The following CHLSN variants were observed in gnomAD, a reference collection of about 807,000 sequenced individuals.
CHLSN encodes the protein cholesin.
the CHLSN span, among the ~76,000 whole-genome samples, chr7:1,064,141 T>C: frequency 1.3e-5 from 2 of 152,164 alleles, no homozygotes; most frequent in East Asian, 1.9e-4. Flanking sequence ...CAAGCACGCA[T>C]GCACACACAC....
the CHLSN span, chr7:1,056,079 G>T: frequency 1.3e-5 from 2 of 153,566 alleles, no homozygotes; most frequent in Non-Finnish European, 2.9e-5. Context: ...CCCCTCACCG[G>T]CCCCCGCCAC....
chr7:1,093,957 T>A, the CHLSN span: 1 of 324,026 alleles, frequency 3.1e-6, no homozygotes, highest in African/African-American at 2.2e-5. Flanking sequence ...AGCCTCTGAG[T>A]CCGGCCAGCC....
chr7:1,042,444 G>A, the CHLSN span, among the ~76,000 whole-genome samples: 1 of 152,198 alleles, frequency 6.6e-6, no homozygotes, highest in African/African-American at 2.4e-5. Flanking sequence ...TCTTGTACAG[G>A]GGCTGGCCAG....
At chr7:1,017,873 T>A in the CHLSN span, among the ~76,000 whole-genome samples, 1 of 152,208 alleles carries the variant, frequency 6.6e-6, no homozygotes, top group Non-Finnish European at 1.5e-5. Context: ...CCCGCCTTGG[T>A]GGGATGGCGC....
At chr7:1,128,776 C>G in the CHLSN span, among the ~76,000 whole-genome samples, 2 of 20,070 alleles carry the variant, frequency 1.0e-4, 1 homozygote, top group Non-Finnish European at 1.6e-4. Flanking sequence ...CTCGGCTCAT[C>G]GCACCCTGTC....
chr7:1,048,872 C>T, the CHLSN span, among the ~76,000 whole-genome samples: 1 of 152,234 alleles, frequency 6.6e-6, no homozygotes, highest in Non-Finnish European at 1.5e-5. Context: ...TCCCATGTTC[C>T]TTTGAAAGCA....
chr7:1,089,625 G>A, the CHLSN span, among the ~76,000 whole-genome samples: 3 of 150,746 alleles, frequency 2.0e-5, no homozygotes, highest in Admixed American at 6.6e-5. Flanking sequence ...GTTTCGCCAT[G>A]TTACCCAGGC....
chr7:1,079,660 T>C, the CHLSN span, among the ~76,000 whole-genome samples: 1 of 152,110 alleles, frequency 6.6e-6, no homozygotes, highest in Non-Finnish European at 1.5e-5. Context: ...CAGCAGCTCC[T>C]CTGAGGGGCC....
chr7:1,092,950 T>C, the CHLSN span: 1 of 1,197,324 alleles, frequency 8.4e-7, no homozygotes, highest in Admixed American at 1.9e-5. Context: ...GTCTCTAAAC[T>C]GCGGTCAGAT....
chr7:1,041,875 C>T, the CHLSN span, among the ~76,000 whole-genome samples: 15 of 152,086 alleles, frequency 9.9e-5, no homozygotes, highest in African/African-American at 3.4e-4. Flanking sequence ...CCAGCAGCCC[C>T]GGATCCCTGG....
At chr7:1,033,135 C>G in the CHLSN span, among the ~76,000 whole-genome samples, 1 of 152,224 alleles carries the variant, frequency 6.6e-6, no homozygotes, top group Non-Finnish European at 1.5e-5. Context: ...CAGATGAAAA[C>G]AAAACTACGG....
chr7:1,135,376 T>C, the CHLSN span, among the ~76,000 whole-genome samples: 1 of 152,094 alleles, frequency 6.6e-6, no homozygotes, highest in Admixed American at 6.6e-5. Flanking sequence ...TACATGGTCA[T>C]ATATGTGTAC....
the CHLSN span, among the ~76,000 whole-genome samples, chr7:1,052,197 C>G: frequency 6.6e-6 from 1 of 152,274 alleles, no homozygotes; most frequent in African/African-American, 2.4e-5. The surrounding 1 kb of genome is among the most constrained non-coding windows in gnomAD (Gnocchi z 4.2). Context: ...ACCCTGAGGC[C>G]TGCTCCAGGC....
At chr7:1,038,303 T>G in the CHLSN span, among the ~76,000 whole-genome samples, 6 of 64,072 alleles carry the variant, frequency 9.4e-5, no homozygotes, top group Non-Finnish European at 1.3e-4. Context: ...GGGAGGGAGG[T>G]GGGGGGGTCA....
chr7:978,194 G>T, the CHLSN span, among the ~76,000 whole-genome samples: 16 of 152,262 alleles, frequency 1.1e-4, no homozygotes, highest in Middle Eastern at 3.4e-3. Context: ...GAAGAGGAAA[G>T]AATTTTTATG....
the CHLSN span, chr7:1,000,541 T>C: frequency 3.5e-5 from 57 of 1,606,526 alleles, no homozygotes; most frequent in East Asian, 9.8e-4. Flanking sequence ...TTCTTGTGCT[T>C]TTGGGCCCAT....
the CHLSN span, among the ~76,000 whole-genome samples, chr7:1,123,409 C>T: frequency 6.6e-6 from 1 of 152,068 alleles, no homozygotes; most frequent in African/African-American, 2.4e-5. The surrounding 1 kb of genome is among the most constrained non-coding windows in gnomAD (Gnocchi z 4.4). Context: ...CAATGGCCCA[C>T]GGGGGGACAC....
At chr7:989,031 T>C in the CHLSN span, 2 of 536,920 alleles carry the variant, frequency 3.7e-6, no homozygotes, top group Admixed American at 6.3e-5. Context: ...ACCCCTCTGA[T>C]GCTGTCTGCA....
the CHLSN span, chr7:1,057,921 A>C: frequency 1.3e-6 from 1 of 774,914 alleles, no homozygotes; most frequent in Non-Finnish European, 2.4e-6. Flanking sequence ...ACTGCCGCGG[A>C]CCTACATGGC....
Sources: gnomAD v4.1 joint callset for allele counts (sites outside exome capture counted in the v4.1 genomes callset) on GRCh38, gnomAD v4.1.1 for gene constraint, Gnocchi (gnomAD v3.1) non-coding constraint, MANE v1.5 for transcripts, NCBI Gene and HGNC (gene_info 2026-07-23, HGNC 2026-07-21) for gene names.